Variants in SNX29 observed in about 807,000 individuals in gnomAD.
The protein encoded by SNX29 is sorting nexin 29.
In SNX29, 78 loss-of-function variants were observed where a neutral mutation model predicts 102.1. That is an observed-to-expected ratio of 0.76 (90% confidence interval 0.64 to 0.92). The LOEUF is 0.92. Among genes scored for constraint, SNX29 ranks in the 40% least tolerant of loss-of-function variants. The pLI is 0.00. For missense variants in SNX29, 1,280 were observed against 1,061.7 expected, an observed-to-expected ratio of 1.21 and a Z score of -2.86; for synonymous variants, 580 against 414.5, an observed-to-expected ratio of 1.40 and a Z score of -4.85.
intron 14 of SNX29, among the ~76,000 whole-genome samples, chr16:12,238,809 G>A (rs1488909558): frequency 6.6e-6 from 1 of 152,248 alleles, no homozygotes; most frequent in African/African-American, 2.4e-5. Context: ...AGGCAGTGCA[G>A]AGCTGTCGAG....
At chr16:12,318,721 C>T (rs771550318) in intron 15 of SNX29, among the ~76,000 whole-genome samples, 8 of 150,986 alleles carry the variant, frequency 5.3e-5, no homozygotes, top group Admixed American at 2.6e-4. Flanking sequence ...TTTTCTGTAA[C>T]GAGGTACAGG....
At chr16:12,496,483 C>G (rs898566381) in intron 19 of SNX29, among the ~76,000 whole-genome samples, 1 of 149,406 alleles carries the variant, frequency 6.7e-6, no homozygotes, top group Admixed American at 6.7e-5. Context: ...TGCCCTGCTT[C>G]TCACACCTCC....
intron 19 of SNX29, among the ~76,000 whole-genome samples, chr16:12,478,643 C>G (rs1233271906): frequency 6.6e-6 from 1 of 152,154 alleles, no homozygotes; most frequent in Non-Finnish European, 1.5e-5. Flanking sequence ...GGGCTTGGAG[C>G]CCTGTCAAAT....
intron 20 of SNX29, among the ~76,000 whole-genome samples, chr16:12,544,868 C>T (rs1340919618): frequency 2.0e-5 from 3 of 152,206 alleles, no homozygotes; most frequent in African/African-American, 7.2e-5. Flanking sequence ...CCAGTGTCAA[C>T]ACAGCCCCTG....
At chr16:12,007,200 A>G (rs2056483896) in intron 3 of SNX29, among the ~76,000 whole-genome samples, 1 of 152,156 alleles carries the variant, frequency 6.6e-6, no homozygotes, top group African/African-American at 2.4e-5. Context: ...CATTGTCCCT[A>G]TTCTGTGAGA....
At chr16:12,115,937 C>T (rs144232304) in intron 11 of SNX29, among the ~76,000 whole-genome samples, 6 of 152,326 alleles carry the variant, frequency 3.9e-5, no homozygotes, top group Non-Finnish European at 5.9e-5. Context: ...TTTCCACCCT[C>T]GTCCCACTCT....
chr16:12,257,397 G>A (rs9936260), intron 14 of SNX29, among the ~76,000 whole-genome samples: 116,913 of 152,116 alleles, frequency 0.77, 46,001 homozygotes, highest in African/African-American at 0.94. Context: ...CTCAAGGTCT[G>A]TAACTCTAAT....
chr16:12,106,469 T>G lies in SNX29; in HGVS notation c.1403-20164T>G, dbSNP rs143432640. ...GGCCCCCTCCTCGGCCCCCTCCTTT[T>G]CTGCTGCTGCTTGTTTTTCTTTTTC... On this transcript the variant is annotated intron_variant, in intron 11 of 20. Transcript: ENST00000566228. Among the ~76,000 whole-genome samples the G allele has an allele frequency of 8.3e-3, 1,256 of 152,082 alleles. 10 individuals carry two copies. Among genetic ancestry groups the G allele is most frequent in the Middle Eastern group, 0.02 (6 of 294 alleles).
At chr16:12,454,899 C>T (rs1435325349) in intron 18 of SNX29, among the ~76,000 whole-genome samples, 4 of 152,068 alleles carry the variant, frequency 2.6e-5, no homozygotes, top group Non-Finnish European at 5.9e-5. Context: ...GCATGCACCA[C>T]CATGCCTGGC....
intron 6 of SNX29, among the ~76,000 whole-genome samples, chr16:12,047,465 G>A (rs942470158): frequency 6.6e-6 from 1 of 152,162 alleles, no homozygotes; most frequent in African/African-American, 2.4e-5. Flanking sequence ...AAGATGCCAA[G>A]TGTAAGTTTC....
chr16:12,556,155 C>G (rs571317219), intron 20 of SNX29, among the ~76,000 whole-genome samples: 2 of 152,116 alleles, frequency 1.3e-5, no homozygotes, highest in African/African-American at 4.8e-5. Context: ...GTGGTTAAAT[C>G]GCTTTGTCGC....
intron 18 of SNX29, among the ~76,000 whole-genome samples, chr16:12,471,070 C>T (rs2151795217): frequency 6.6e-6 from 1 of 152,304 alleles, no homozygotes; most frequent in Admixed American, 6.5e-5. Context: ...TGCCGTTCTG[C>T]CTCTTGCAGG....
intron 15 of SNX29, among the ~76,000 whole-genome samples, chr16:12,350,282 C>G (rs8061507): frequency 0.12 from 18,211 of 152,202 alleles, 2,513 homozygotes; most frequent in African/African-American, 0.34. Flanking sequence ...CGTGTACAGA[C>G]TTTTTTCCTT....
intron 20 of SNX29, among the ~76,000 whole-genome samples, chr16:12,542,454 C>T (rs907125090): frequency 6.6e-6 from 1 of 152,234 alleles, no homozygotes; most frequent in East Asian, 1.9e-4. Flanking sequence ...TCCTCAGCTT[C>T]CCAAGTAGCT....
chr16:12,417,525 T>C (rs2084687368), intron 18 of SNX29, among the ~76,000 whole-genome samples: 1 of 152,180 alleles, frequency 6.6e-6, no homozygotes. Flanking sequence ...TTGCACACTC[T>C]ACATCCCTCC....
chr16:12,140,937 A>G (rs1225881556), intron 13 of SNX29, among the ~76,000 whole-genome samples: 1 of 152,232 alleles, frequency 6.6e-6, no homozygotes, highest in Admixed American at 6.5e-5. Context: ...AAGTAATTTA[A>G]AAAATCAGTA....
chr16:12,153,617 G>T (rs1263917140), intron 13 of SNX29, among the ~76,000 whole-genome samples: 1 of 151,670 alleles, frequency 6.6e-6, no homozygotes, highest in Non-Finnish European at 1.5e-5. Context: ...GGGATTACAG[G>T]CGTGCACCAC....
chr16:12,527,008 A>G, intron 20 of SNX29: 2 of 399,298 alleles, frequency 5.0e-6, no homozygotes, highest in Non-Finnish European at 9.5e-6. Flanking sequence ...CGAGAATTTC[A>G]GTGGGAGACT....
At chr16:12,073,084 G>A (rs1025929254) in intron 10 of SNX29, among the ~76,000 whole-genome samples, 5 of 151,724 alleles carry the variant, frequency 3.3e-5, no homozygotes, top group Admixed American at 6.6e-5. Flanking sequence ...TCTTGCTAAC[G>A]GTCTATCAAT....
Sources: allele counts gnomAD v4.1 joint callset (sites outside exome capture counted in the v4.1 genomes callset), GRCh38; gene constraint gnomAD v4.1.1; transcripts MANE v1.5; gene names NCBI Gene and HGNC (gene_info 2026-07-23, HGNC 2026-07-21).